Variants in RABL2A observed in about 807,000 individuals in gnomAD.
The protein encoded by RABL2A is RAB, member of RAS oncogene family like 2A, also known as rab-like protein 2A.
A neutral mutation model predicts 30.7 loss-of-function variants in RABL2A; 17 were observed. The observed-to-expected ratio is 0.55, with a 90% CI of 0.38 to 0.83. The LOEUF (loss-of-function observed/expected upper bound fraction) is 0.83. Ranked by LOEUF, RABL2A falls within the 40% of genes least tolerant of loss-of-function variation. The pLI is 0.00. For synonymous variants in RABL2A, 64 were observed against 101.8 expected (o/e 0.63, Z 2.24); for missense variants, 155 against 272.6 (o/e 0.57, Z 3.04).
chr2:113,637,364 C>G (rs967512288), intron 5 of RABL2A: 2 of 1,013,766 alleles, frequency 2.0e-6, no homozygotes, highest in African/African-American at 3.4e-5. Flanking sequence ...TTAGCTCTTC[C>G]GTGTGTGCTC....
chr2:113,634,019 C>G, intron 3 of RABL2A, 134 bp from the exon 4 acceptor site: 1 of 1,449,660 alleles, frequency 6.9e-7, no homozygotes, highest in East Asian at 2.5e-5. Context: ...CTGCAACATT[C>G]ATTTGATTTA....
At chr2:113,638,171 A>G in intron 5 of RABL2A, 1 of 985,426 alleles carries the variant, frequency 1.0e-6, no homozygotes, top group African/African-American at 1.7e-5. Context: ...GACATCCTTT[A>G]TAAGGAGACT....
At chr2:113,633,423 G>A (rs1261361026) in intron 3 of RABL2A, 32 of 224,328 alleles carry the variant, frequency 1.4e-4, no homozygotes, top group East Asian at 3.4e-4. Flanking sequence ...GTTCCTCCCC[G>A]CAACTGGGAG....
chr2:113,629,046 C>A (rs1436906307), intron 2 of RABL2A, among the ~76,000 whole-genome samples: 1 of 150,770 alleles, frequency 6.6e-6, no homozygotes, highest in Non-Finnish European at 1.5e-5. Context: ...ACTATGCCAC[C>A]GTGACAGATT....
intron 5 of RABL2A, chr2:113,638,206 G>A: frequency 2.0e-6 from 2 of 985,390 alleles, no homozygotes; most frequent in South Asian, 4.7e-5. Context: ...AGACAACCTG[G>A]TGATTCATTG....
intron 2 of RABL2A, among the ~76,000 whole-genome samples, chr2:113,630,744 C>A (rs1440655833): frequency 1.3e-5 from 2 of 151,998 alleles, no homozygotes; most frequent in Admixed American, 6.6e-5. Flanking sequence ...TGACCTCAGA[C>A]CTGGGCACTG....
Position 113,643,315 on chromosome 2 carries a change from C to G in RABL2A, c.*1186C>G. ...AGTATGTTTTTATGATAATCTCGGG[C>G]ATTGTTTGCATTGTGTTTATTAATA... On this transcript the variant is annotated 3_prime_UTR_variant, in exon 9 of 9. Coordinates refer to ENST00000683472, the MANE Select transcript of RABL2A (RefSeq NM_001306158.2). 2.9e-6 allele frequency: 1 copy of G among 345,914 alleles called. No homozygotes were observed. Among genetic ancestry groups the G allele is most frequent in the South Asian group, 2.2e-5 (1 of 46,442 alleles). The allele number at this position is 345,914 out of a possible 1,614,324, so 21.4% of individuals were successfully genotyped here.
At chr2:113,638,406 G>C (rs1683768791) in intron 5 of RABL2A, 2 of 985,266 alleles carry the variant, frequency 2.0e-6, no homozygotes, top group South Asian at 4.7e-5. Flanking sequence ...GTGGTTGTCT[G>C]TAACTTTAAT....
At chr2:113,638,505 A>C in intron 5 of RABL2A, 1 of 985,404 alleles carries the variant, frequency 1.0e-6, no homozygotes. Context: ...GCAGCAGCTC[A>C]GTTGTCTTTC....
chr2:113,640,589 C>T, intron 5 of RABL2A: 1 of 350,740 alleles, frequency 2.9e-6, no homozygotes, highest in Non-Finnish European at 5.4e-6. Context: ...GTTGGCCAGG[C>T]TGGTCTCAAA....
At chr2:113,632,628 A>G (rs1180420285) in intron 2 of RABL2A, among the ~76,000 whole-genome samples, 2 of 152,254 alleles carry the variant, frequency 1.3e-5, no homozygotes, top group East Asian at 1.9e-4. Flanking sequence ...TTTGCATAAC[A>G]CAAGGGTAAT....
At chr2:113,634,496 G>T in intron 4 of RABL2A, 1 of 538,772 alleles carries the variant, frequency 1.9e-6, no homozygotes, top group Non-Finnish European at 3.3e-6. Flanking sequence ...AAGTCAGGGG[G>T]CTGTACCCAC....
At chr2:113,627,835 T>G in intron 1 of RABL2A, 1 of 172,830 alleles carries the variant, frequency 5.8e-6, no homozygotes. Context: ...TGGATTTGGC[T>G]TTCTGTCGCT....
In RABL2A at chr2:113,632,966, A is replaced by C. The variant is rs1175287491; in HGVS notation, c.137+22A>C. 13 of 1,613,886 alleles carry C rather than the reference A, an allele frequency of 8.1e-6. No homozygotes were observed. The South Asian group carries it at 1.4e-4, about 18-fold the overall frequency. On this transcript the variant is annotated intron_variant, in intron 3 of 8. Coordinates refer to ENST00000683472, the MANE Select transcript of RABL2A (RefSeq NM_001306158.2). ...GCTTGTATCCTTCAAGGTTTGAAGTACTCCTTGTTCCTGTGGGTCTTCCCA... is the reference window on the plus strand; with the variant it reads ...GCTTGTATCCTTCAAGGTTTGAAGTCCTCCTTGTTCCTGTGGGTCTTCCCA...
chr2:113,631,131 G>A (rs112074806), intron 2 of RABL2A, among the ~76,000 whole-genome samples: 1 of 152,042 alleles, frequency 6.6e-6, no homozygotes, highest in Non-Finnish European at 1.5e-5. Flanking sequence ...CTAACCTCAA[G>A]TGATCTGTCT....
chr2:113,629,595 C>G (rs891117456), intron 2 of RABL2A, among the ~76,000 whole-genome samples: 1 of 151,164 alleles, frequency 6.6e-6, no homozygotes, highest in African/African-American at 2.4e-5. Context: ...AGTGCAGTGA[C>G]GTGATCTCGG....
chr2:113,640,607 C>T (rs1284847940), intron 5 of RABL2A: 1 of 398,114 alleles, frequency 2.5e-6, no homozygotes, highest in Non-Finnish European at 4.6e-6. Context: ...AAACTCCTGA[C>T]CTCAGGTGAT....
chr2:113,634,719 T>G, intron 4 of RABL2A: 1 of 441,994 alleles, frequency 2.3e-6, no homozygotes, highest in South Asian at 2.1e-5. Flanking sequence ...ACGTGAGAAG[T>G]TGGAATAGTT....
chr2:113,642,698 T>C lies in RABL2A; in HGVS notation c.*569T>C. ...GCTCTGTCGCCAGGCTGGAGTGCAG[T>C]GGCGCAGTCTCGGCTCGCTGCAACC... is the stretch of plus-strand genomic sequence containing the variant. On this transcript the variant is annotated 3_prime_UTR_variant, in exon 9 of 9. Transcript: ENST00000683472. 1.5e-5 allele frequency: 3 copies of C among 196,012 alleles called. No individual in the cohort carries two copies. In the South Asian group the frequency reaches 2.4e-4, roughly 15 times the overall value. 12.1% of individuals were successfully genotyped at this position (196,012 alleles called of 1,614,324 possible).
Sources: allele counts gnomAD v4.1 joint callset (sites outside exome capture counted in the v4.1 genomes callset), GRCh38; gene constraint gnomAD v4.1.1; transcripts MANE v1.5; gene names NCBI Gene and HGNC (gene_info 2026-07-23, HGNC 2026-07-21).